The following DAB1 variants were observed in gnomAD, a reference collection of about 807,000 sequenced individuals.
DAB1 encodes the protein DAB adaptor protein 1.
In DAB1, 15 loss-of-function variants were observed where a neutral mutation model predicts 64.6. That is an observed-to-expected ratio of 0.23 (90% CI 0.16 to 0.36). DAB1 has a LOEUF of 0.36. Ranked by LOEUF, DAB1 falls within the 10% of genes least tolerant of loss-of-function variation. DAB1 has a pLI of 1.00. For missense variants in DAB1, 596 were observed against 706.7 expected, an observed-to-expected ratio of 0.84 and a Z score of 1.78; for synonymous variants, 235 against 251.9, an observed-to-expected ratio of 0.93 and a Z score of 0.64.
At chr1:57,588,401 C>A (rs144244361) in intron 7 of DAB1, among the ~76,000 whole-genome samples, 242 of 152,306 alleles carry the variant, frequency 1.6e-3, no homozygotes, top group Admixed American at 2.4e-3. Context: ...GAAGTGCTAT[C>A]TAAATTCTTA....
rs553275866 is a variant in DAB1 at position 57,440,433 on chromosome 1, T to C, written n.626-149267A>G. Among the ~76,000 whole-genome samples, 5 of 152,256 alleles carry C rather than the reference T, an allele frequency of 3.3e-5. No homozygotes were observed. In the East Asian group the frequency reaches 9.6e-4, roughly 29 times the overall value. On this transcript the variant is annotated intron_variant and non_coding_transcript_variant, in intron 7 of 20. Coordinates refer to the DAB1 transcript ENST00000485760. ...ATATAAGGAGCACCTTTCGAAGAGA[T>C]GGGAACTTCTTACATTCAGGGATAC...
chr1:57,945,037 G>A (rs1645163557), intron 5 of DAB1, among the ~76,000 whole-genome samples: 2 of 152,172 alleles, frequency 1.3e-5, no homozygotes, highest in Admixed American at 6.5e-5. Context: ...TCCTGTAAGT[G>A]ATCTTTTAGA....
chr1:58,063,084 C>T (rs1648605827), intron 5 of DAB1, among the ~76,000 whole-genome samples: 1 of 152,236 alleles, frequency 6.6e-6, no homozygotes, highest in Non-Finnish European at 1.5e-5. Flanking sequence ...GTCCTCACTA[C>T]CTGGGGCTCT....
intron 6 of DAB1, among the ~76,000 whole-genome samples, chr1:57,764,297 C>A (rs1649213241): frequency 6.6e-6 from 1 of 152,132 alleles, no homozygotes; most frequent in Non-Finnish European, 1.5e-5. Context: ...TTTTAATTCT[C>A]CTTTTTTAAT....
At chr1:58,162,032 T>C (rs1570432631) in intron 4 of DAB1, among the ~76,000 whole-genome samples, 1 of 152,018 alleles carries the variant, frequency 6.6e-6, no homozygotes, top group Non-Finnish European at 1.5e-5. Context: ...TAACAATAGG[T>C]ACAGAGGGGC....
At chr1:57,091,054 T>C (rs1653625990) in intron 4 of DAB1, among the ~76,000 whole-genome samples, 1 of 152,114 alleles carries the variant, frequency 6.6e-6, no homozygotes, top group Non-Finnish European at 1.5e-5. Flanking sequence ...TTATAGCAGT[T>C]TCAAGCCAAG....
At chr1:57,289,660 G>A (rs1281958315) in intron 2 of DAB1, among the ~76,000 whole-genome samples, 1 of 152,116 alleles carries the variant, frequency 6.6e-6, no homozygotes, top group Non-Finnish European at 1.5e-5. Flanking sequence ...TCAGACAAAT[G>A]CCATCACAAA....
At chr1:57,777,529 T>C (rs1405262096) in intron 6 of DAB1, among the ~76,000 whole-genome samples, 1 of 151,984 alleles carries the variant, frequency 6.6e-6, no homozygotes, top group Non-Finnish European at 1.5e-5. Flanking sequence ...CAAATTCCTT[T>C]ATCTTTTCTT....
chr1:57,618,817 A>G (rs185406840), intron 7 of DAB1, among the ~76,000 whole-genome samples: 5 of 152,324 alleles, frequency 3.3e-5, no homozygotes, highest in African/African-American at 4.8e-5. Flanking sequence ...TTTAAACTAG[A>G]GAGACAGCTG....
intron 6 of DAB1, among the ~76,000 whole-genome samples, chr1:57,748,653 T>C (rs909410137): frequency 6.6e-6 from 1 of 152,178 alleles, no homozygotes; most frequent in African/African-American, 2.4e-5. Flanking sequence ...TTCAAATAAC[T>C]AGAGTGGTCA....
At chr1:57,587,394 A>G (rs1643293971) in intron 7 of DAB1, among the ~76,000 whole-genome samples, 2 of 152,228 alleles carry the variant, frequency 1.3e-5, no homozygotes, top group African/African-American at 4.8e-5. Context: ...TTATTCTCAC[A>G]AAAACTCTGA....
At chr1:57,270,573 AG>A (rs772934657) in intron 2 of DAB1, among the ~76,000 whole-genome samples, 1 of 152,186 alleles carries the variant, frequency 6.6e-6, no homozygotes, top group Non-Finnish European at 1.5e-5. Flanking sequence ...GGGAGAAGCA[AG>A]GTTCAAATCC....
At chr1:57,055,432 A>T (rs967774074) in intron 9 of DAB1, among the ~76,000 whole-genome samples, 2 of 152,226 alleles carry the variant, frequency 1.3e-5, no homozygotes, top group Non-Finnish European at 2.9e-5. Flanking sequence ...ACAGCTGAGC[A>T]TCCTGAATCA....
chr1:57,351,142 G>A (rs1424466), intron 1 of DAB1, among the ~76,000 whole-genome samples: 76,153 of 151,946 alleles, frequency 0.5, 19,798 homozygotes, highest in African/African-American at 0.55. Flanking sequence ...GGTTCAAATC[G>A]TTGAGTCACT....
intron 4 of DAB1, among the ~76,000 whole-genome samples, chr1:58,299,194 C>T (rs540822651): frequency 1.8e-4 from 27 of 152,252 alleles, no homozygotes; most frequent in South Asian, 8.3e-4. Flanking sequence ...ATTTTACAGA[C>T]GCTCAAACTA....
Position 57,922,707 on chromosome 1 carries a change from G to T in DAB1, n.388-38545C>A, listed in dbSNP as rs142729213. Among the ~76,000 whole-genome samples, 212 of 151,712 alleles carry T rather than the reference G, an allele frequency of 1.4e-3. 2 individuals are homozygous for T. Among genetic ancestry groups the T allele is most frequent in the African/African-American group, 4.8e-3 (198 of 41,430 alleles). On this transcript the variant is annotated intron_variant and non_coding_transcript_variant, in intron 5 of 20. Coordinates refer to the DAB1 transcript ENST00000485760. ...AAAAATACAAAAAAAATAGCTGGGC[G>T]TGCTGGCTGACACCTGTAGTCCCAG...
intron 6 of DAB1, among the ~76,000 whole-genome samples, chr1:57,711,001 A>G (rs902906899): frequency 6.6e-6 from 1 of 152,188 alleles, no homozygotes; most frequent in African/African-American, 2.4e-5. Context: ...CTGAAAAGAC[A>G]TCTCAAAAGG....
At chr1:57,485,247 T>C (rs1054862787) in intron 7 of DAB1, among the ~76,000 whole-genome samples, 6 of 152,116 alleles carry the variant, frequency 3.9e-5, no homozygotes, top group African/African-American at 1.4e-4. Flanking sequence ...GGTCCCCAAG[T>C]GTCTTAGGAA....
chr1:57,186,205 A>T (rs1663541906), intron 2 of DAB1, among the ~76,000 whole-genome samples: 2 of 152,218 alleles, frequency 1.3e-5, no homozygotes. Flanking sequence ...CAATTACATT[A>T]GAATGTAAAT....
Sources: gnomAD v4.1 joint callset for allele counts (sites outside exome capture counted in the v4.1 genomes callset) on GRCh38, gnomAD v4.1.1 for gene constraint, MANE v1.5 for transcripts, NCBI Gene and HGNC (gene_info 2026-07-23, HGNC 2026-07-21) for gene names.